The following ZNF264 variants were observed in gnomAD, a reference collection of about 807,000 sequenced individuals.
The protein encoded by ZNF264 is zinc finger protein 264.
ZNF264 carries 11 observed loss-of-function variants against 11.2 expected under a neutral mutation model. The observed-to-expected ratio is 0.98, with a 90% CI of 0.62 to 1.63. The LOEUF is 1.63. Among genes scored for constraint, ZNF264 ranks in the 40% most tolerant of loss-of-function variants. ZNF264 has a pLI of 0.00. For missense variants in ZNF264, 752 were observed against 768.1 expected (o/e 0.98, Z 0.25); for synonymous variants, 309 against 279.8 (o/e 1.10, Z -1.04).
chr19:57,213,966 TTGTGTG>T lies in ZNF264; in HGVS notation c.*993_*998del, dbSNP rs1290364940. The T allele has an allele frequency of 6.6e-6, 1 of 152,048 alleles. No individual in the cohort carries two copies. Among genetic ancestry groups the T allele is most frequent in the Non-Finnish European group, 1.5e-5 (1 of 67,980 alleles). The allele number at this position is 152,048 out of a possible 1,614,324, so 9.4% of individuals were successfully genotyped here. On this transcript the variant is annotated 3_prime_UTR_variant, in exon 4 of 4. Transcript: ENST00000263095. ...TTTGCATCCTAGGGTGCTTTTTTGTTTGTGTGTGTGTGTAATTTGAGTGATTGTAAA... is the reference window on the plus strand; with the variant it reads ...TTTGCATCCTAGGGTGCTTTTTTGTTTGTGTGTAATTTGAGTGATTGTAAA...
intron 2 of ZNF264, among the ~76,000 whole-genome samples, chr19:57,197,451 C>T (rs974112688): frequency 6.6e-6 from 1 of 151,804 alleles, no homozygotes; most frequent in East Asian, 1.9e-4. Flanking sequence ...TAGAGGCCTT[C>T]GCTGTGATTC....
chr19:57,192,109 G>A lies in ZNF264; in HGVS notation c.33+163G>A, dbSNP rs536152417. Among the ~76,000 whole-genome samples the A allele has an allele frequency of 2.6e-5, 4 of 152,298 alleles. No individual in the cohort carries two copies. In the South Asian group the frequency reaches 8.3e-4, roughly 32 times the overall value. ...CTTAATTTATACCTGGCCGTAAGGA[G>A]TGTTGGGCCTACTGGAAGGAGCTCC... On this transcript the variant is annotated intron_variant, in intron 1 of 3. Coordinates refer to ENST00000263095, the MANE Select transcript of ZNF264 (RefSeq NM_003417.5).
Position 57,219,092 on chromosome 19 carries a change from T to A in ZNF264, c.*6111T>A, listed in dbSNP as rs888217867. The A allele has an allele frequency of 6.6e-6, 1 of 151,924 alleles. No homozygotes were observed. The highest frequency in any genetic ancestry group is 1.5e-5 in the Non-Finnish European group (1 of 68,058). The allele number at this position is 151,924 out of a possible 1,614,324, so 9.4% of individuals were successfully genotyped here. On this transcript the variant is annotated 3_prime_UTR_variant, in exon 4 of 4. Transcript: ENST00000263095. ...TGGAATGTTTGTAAAATTCCCTAGCTCTCTGCACTGAGCTGAGATCGTGCC... is the reference window on the plus strand; with the variant it reads ...TGGAATGTTTGTAAAATTCCCTAGCACTCTGCACTGAGCTGAGATCGTGCC...
At position 57,202,409 on chromosome 19, in the gene ZNF264, A is replaced by G. The variant is rs187291186; in HGVS notation, c.161-2988A>G. ...TTAACTGGGTGTGGTATTCTGATAC[A>G]TACTGGTTTTTGTCCACCGTTCCTG... On this transcript the variant is annotated intron_variant, in intron 2 of 3. Transcript: ENST00000263095. Among the ~76,000 whole-genome samples the G allele has an allele frequency of 3.2e-4, 48 of 151,996 alleles. 1 individual carries two copies. The highest frequency in any genetic ancestry group is 1.2e-3 in the South Asian group (6 of 4,822).
intron 3 of ZNF264, among the ~76,000 whole-genome samples, chr19:57,206,325 G>C (rs1233490164): frequency 6.6e-6 from 1 of 152,008 alleles, no homozygotes; most frequent in African/African-American, 2.4e-5. Flanking sequence ...CTCACTGCAA[G>C]CTCCGCCTCC....
chr19:57,193,652 T>C (rs1394178444), intron 1 of ZNF264: 3 of 733,134 alleles, frequency 4.1e-6, no homozygotes, highest in Non-Finnish European at 5.0e-6. Context: ...CGTTGTCCTG[T>C]GTCATTCTCT....
In ZNF264 at chr19:57,215,285, G is replaced by GATAGTCTGTCCTGT. The variant is rs2087371910; in HGVS notation, c.*2305_*2318dup. The GATAGTCTGTCCTGT allele has an allele frequency of 6.6e-6, 1 of 152,142 alleles. No individual in the cohort carries two copies. The highest frequency in any genetic ancestry group is 2.4e-5 in the African/African-American group (1 of 41,440). The allele number at this position is 152,142 out of a possible 1,614,324, so 9.4% of individuals were successfully genotyped here. A position where few individuals can be genotyped will look rare whatever the true frequency, so the allele number is the denominator to read the frequency against. ...ATCTATTTCTTGTGTAATAAATTTT[G>GATAGTCTGTCCTGT]ATAGTCTGTCCTGTTGAAGGAATAT... On this transcript the variant is annotated 3_prime_UTR_variant, in exon 4 of 4. Transcript: ENST00000263095.
intron 3 of ZNF264, among the ~76,000 whole-genome samples, 159 bp downstream of exon 3, chr19:57,205,651 G>A (rs1429216290): frequency 6.6e-6 from 1 of 152,142 alleles, no homozygotes; most frequent in African/African-American, 2.4e-5. Context: ...TGAGAGCCAT[G>A]GAGCCCTTTG....
intron 3 of ZNF264, 128 bp downstream of exon 3, chr19:57,205,620 A>G (rs1043644760): frequency 1.2e-5 from 10 of 811,500 alleles, no homozygotes; most frequent in Non-Finnish European, 1.6e-5. Context: ...ATATAACTCT[A>G]TCACACTAGA....
chr19:57,207,337 C>T (rs2087299915), intron 3 of ZNF264, among the ~76,000 whole-genome samples: 1 of 152,124 alleles, frequency 6.6e-6, no homozygotes, highest in African/African-American at 2.4e-5. Flanking sequence ...AGTCTCCTGT[C>T]TTGTATTGCT....
chr19:57,208,590 C>CA (rs997107238), intron 3 of ZNF264, among the ~76,000 whole-genome samples: 9 of 150,102 alleles, frequency 6.0e-5, no homozygotes, highest in Non-Finnish European at 5.9e-5. Flanking sequence ...GAACCAGAGG[C>CA]AAAAAAAAAT....
intron 1 of ZNF264, chr19:57,193,645 T>C (rs532764246): frequency 1.3e-6 from 1 of 761,480 alleles, no homozygotes; most frequent in African/African-American, 1.9e-5. Context: ...TTGTTTCCGT[T>C]GTCCTGTGTC....
chr19:57,193,514 G>A (rs561046118), intron 1 of ZNF264: 2 of 985,386 alleles, frequency 2.0e-6, no homozygotes, highest in East Asian at 1.1e-4. Flanking sequence ...CATGGGGCAG[G>A]CACCTAGCTG....
Position 57,211,606 on chromosome 19 carries a change from G to C in ZNF264, c.509G>C (p.Arg170Thr). Residue 170 changes from arginine to threonine, a missense_variant, in exon 4 of 4, where the codon AGG (arginine) becomes ACG (threonine). By Grantham distance (71) the Arg-to-Thr change is moderately conservative. Transcript: ENST00000263095. Reference protein sequence around the residue: ...GLGTADGVCSRIGQEQVSPGD... With the variant: ...GLGTADGVCSTIGQEQVSPGD... ...GGGACAGCTGATGGTGTGTGTTCAA[G>C]GATTGGACAGGAGCAAGTCTCTCCA... The C allele has an allele frequency of 6.2e-7, 1 of 1,614,106 alleles. No individual in the cohort carries two copies. The highest frequency in any genetic ancestry group is 1.1e-5 in the South Asian group (1 of 91,078).
intron 2 of ZNF264, among the ~76,000 whole-genome samples, chr19:57,197,914 T>C (rs2087223827): frequency 6.6e-6 from 1 of 152,030 alleles, no homozygotes; most frequent in Admixed American, 6.5e-5. Flanking sequence ...GTCCAGTGTG[T>C]TTGCTACTTC....
At chr19:57,192,450 C>G in intron 1 of ZNF264, 3 of 985,416 alleles carry the variant, frequency 3.0e-6, no homozygotes, top group Non-Finnish European at 3.6e-6. Flanking sequence ...CAGTCAGATG[C>G]CCTTACTCTC....
Position 57,221,908 on chromosome 19 carries a change from C to G in ZNF264, c.*8927C>G, listed in dbSNP as rs1436183282. 2.6e-5 allele frequency: 4 copies of G among 152,146 alleles called. No individual in the cohort carries two copies. Among genetic ancestry groups the G allele is most frequent in the Non-Finnish European group, 1.5e-5 (1 of 68,034 alleles). The allele number at this position is 152,146 out of a possible 1,614,324, so 9.4% of individuals were successfully genotyped here. A position where few individuals can be genotyped will look rare whatever the true frequency, so the allele number is the denominator to read the frequency against. On this transcript the variant is annotated 3_prime_UTR_variant, in exon 4 of 4. Coordinates refer to ENST00000263095, the MANE Select transcript of ZNF264 (RefSeq NM_003417.5). ...CCAGCAAGGGTGAACCTTGCAAACT[C>G]AAAAGGATAGCAGTCTCCAACCTGC...
intron 2 of ZNF264, among the ~76,000 whole-genome samples, chr19:57,196,007 C>T (rs1413922242): frequency 6.6e-6 from 1 of 151,796 alleles, no homozygotes; most frequent in Admixed American, 6.6e-5. Context: ...ATGGGAGAAA[C>T]AGTACCATAT....
chr19:57,191,654 C>A lies in ZNF264; in HGVS notation c.-260C>A. 1 of 390,742 alleles carries A rather than the reference C, an allele frequency of 2.6e-6. No homozygotes were observed. 24.2% of individuals were successfully genotyped at this position (390,742 alleles called of 1,614,324 possible). A position where few individuals can be genotyped will look rare whatever the true frequency, so the allele number is the denominator to read the frequency against. On this transcript the variant is annotated 5_prime_UTR_variant, in exon 1 of 4. Coordinates refer to ENST00000263095, the MANE Select transcript of ZNF264 (RefSeq NM_003417.5). Reference sequence around the variant, plus strand: ...GCCTGACCCCTTCCGTGGGTTTGTTCCTGGGTCGCCGTCAAGCTGCGGTCT... The same window carrying A: ...GCCTGACCCCTTCCGTGGGTTTGTTACTGGGTCGCCGTCAAGCTGCGGTCT...
Sources: allele counts gnomAD v4.1 joint callset (sites outside exome capture counted in the v4.1 genomes callset), GRCh38; gene constraint gnomAD v4.1.1; transcripts MANE v1.5; gene names NCBI Gene and HGNC (gene_info 2026-07-23, HGNC 2026-07-21).